Variants in EXOC1 observed in about 807,000 individuals in gnomAD.
EXOC1 encodes the protein SEC3-like 1.
In EXOC1, 67 loss-of-function variants were observed where a neutral mutation model predicts 107.7. The observed-to-expected ratio is 0.62, with a 90% CI of 0.51 to 0.76. The LOEUF (loss-of-function observed/expected upper bound fraction) is 0.76. Among genes scored for constraint, EXOC1 ranks in the 30% least tolerant of loss-of-function variants. The pLI is 0.00. For synonymous variants in EXOC1, 348 were observed against 353.5 expected, an observed-to-expected ratio of 0.98 and a Z score of 0.17; for missense variants, 833 against 1,055.7, an observed-to-expected ratio of 0.79 and a Z score of 2.92.
At chr4:55,871,301 G>A (rs1227247092) in intron 7 of EXOC1, 68 bp downstream of exon 7, 5 of 1,536,838 alleles carry the variant, frequency 3.3e-6, no homozygotes, top group Non-Finnish European at 3.5e-6. Context: ...TTGTTATAAA[G>A]GTTTTGACAA....
At chr4:55,860,335 T>C in intron 2 of EXOC1, 76 bp from the exon 3 acceptor site, 1 of 1,576,776 alleles carries the variant, frequency 6.3e-7, no homozygotes, top group Non-Finnish European at 8.7e-7. Flanking sequence ...ACCTGAAAGC[T>C]ATACTTGCAA....
rs529882430 is a variant in EXOC1, at chr4:55,903,416, A to G, written c.2532+878A>G. 2.8e-4 allele frequency among the ~76,000 whole-genome samples: 42 copies of G among 152,318 alleles called. No homozygotes were observed. The South Asian group carries it at 8.7e-3, about 32-fold the overall frequency. On this transcript the variant is annotated intron_variant, in intron 18 of 18. Coordinates refer to ENST00000381295, the MANE Select transcript of EXOC1 (RefSeq NM_001024924.2). ...AACCTCTGAAAGTCAGATGTACTTG[A>G]ACAGGCAAAGTGGGGATGGAGGGAG... is the stretch of plus-strand genomic sequence containing the variant.
chr4:55,902,622 G>T, intron 18 of EXOC1, 84 bp downstream of exon 18: 6 of 1,117,336 alleles, frequency 5.4e-6, no homozygotes, highest in African/African-American at 1.6e-5. Flanking sequence ...AAATGCTACA[G>T]ATCTAGAGCA....
rs773459467 is a variant in EXOC1, at chr4:55,896,911, G to A, written c.2137+11G>A. On this transcript the variant is annotated intron_variant, in intron 16 of 18. Coordinates refer to ENST00000381295, the MANE Select transcript of EXOC1 (RefSeq NM_001024924.2). ...GAGTATTTGTTAATGGTAAGCTTTT[G>A]TTATGTTCTAAAGAATTGTTATAGC... The A allele has an allele frequency of 1.3e-6, 2 of 1,574,182 alleles. No homozygotes were observed. The highest frequency in any genetic ancestry group is 4.7e-5 in the East Asian group (2 of 42,830).
intron 15 of EXOC1, among the ~76,000 whole-genome samples, 162 bp downstream of exon 15, chr4:55,893,942 G>T (rs1724880943): frequency 1.3e-5 from 2 of 152,176 alleles, no homozygotes; most frequent in South Asian, 4.1e-4. Context: ...AGAGTTAGTT[G>T]GGTGGCACTA....
Position 55,870,917 on chromosome 4 carries a change from C to T in EXOC1, c.831+12C>T, listed in dbSNP as rs372578105. ...TAGAGTTCCTTGTGGTAAGTATGATCATAAATTACCAACAAAAAAAAACTA... is the reference window on the plus strand; with the variant it reads ...TAGAGTTCCTTGTGGTAAGTATGATTATAAATTACCAACAAAAAAAAACTA... On this transcript the variant is annotated intron_variant, in intron 6 of 18. Transcript: ENST00000381295. 1.1e-5 allele frequency: 17 copies of T among 1,581,876 alleles called. No individual in the cohort carries two copies. The highest frequency in any genetic ancestry group is 1.0e-5 in the Non-Finnish European group (12 of 1,163,230).
intron 10 of EXOC1, chr4:55,885,673 C>A (rs1723809097): frequency 6.6e-6 from 1 of 152,062 alleles, no homozygotes; most frequent in African/African-American, 2.4e-5. Context: ...AAGGATGACA[C>A]ACTAATTTGT....
intron 1 of EXOC1, among the ~76,000 whole-genome samples, 173 bp downstream of exon 1, chr4:55,854,126 G>T (rs1487125688): frequency 6.6e-6 from 1 of 152,148 alleles, no homozygotes; most frequent in African/African-American, 2.4e-5. Flanking sequence ...TCCAGGAGAG[G>T]AGAGCGTGAC....
At position 55,904,384 on chromosome 4, in the gene EXOC1, T is replaced by G. The variant is rs1726384669; in HGVS notation, c.2574T>G (p.Tyr858Ter). The G allele has an allele frequency of 6.2e-7, 1 of 1,612,256 alleles. No homozygotes were observed. The highest frequency in any genetic ancestry group is 8.5e-7 in the Non-Finnish European group (1 of 1,179,620). The stretch of plus-strand genomic sequence containing the variant: ...TGCAAGATGAATTTATACGCCAGTA[T>G]AAGCACTTTGAAGGTTTGATAGCTC... Reference protein sequence around the residue: ...HSMQDEFIRQYKHFEGLIARC... With the variant: ...HSMQDEFIRQ Residue 858 changes from tyrosine (Y) to a stop codon, truncating the protein, a stop_gained, in exon 19 of 19, where the codon TAT becomes TAG. Transcript: ENST00000381295. LOFTEE classifies it high-confidence loss of function.
At chr4:55,861,478 A>G (rs1721470341) in intron 3 of EXOC1, among the ~76,000 whole-genome samples, 1 of 152,242 alleles carries the variant, frequency 6.6e-6, no homozygotes, top group African/African-American at 2.4e-5. Context: ...TTACTTTGGT[A>G]CAAACCTCCA....
chr4:55,877,499 T>A, intron 8 of EXOC1: 1 of 984,880 alleles, frequency 1.0e-6, no homozygotes. Flanking sequence ...TTACAAACTC[T>A]AATGGGAATA....
rs527532786 is a variant in EXOC1 at position 55,882,647 on chromosome 4, T to C, written c.1225-1176T>C. On this transcript the variant is annotated intron_variant, in intron 9 of 18. Coordinates refer to ENST00000381295, the MANE Select transcript of EXOC1 (RefSeq NM_001024924.2). ...AAAAGGACAGGATCTATATATATTATGTTTGGTCCAAATGCTATTTTATAA... is the reference window on the plus strand; with the variant it reads ...AAAAGGACAGGATCTATATATATTACGTTTGGTCCAAATGCTATTTTATAA... The C allele has an allele frequency of 3.3e-5, 5 of 152,338 alleles. No individual in the cohort carries two copies. The South Asian group carries it at 1.0e-3, about 32-fold the overall frequency. 9.4% of individuals were successfully genotyped at this position (152,338 alleles called of 1,614,324 possible).
At chr4:55,854,248 T>C (rs1198934744) in intron 1 of EXOC1, among the ~76,000 whole-genome samples, 1 of 145,494 alleles carries the variant, frequency 6.9e-6, no homozygotes, top group Non-Finnish European at 1.5e-5. Context: ...CAGTTATATC[T>C]TCTAGATGGC....
At position 55,890,253 on chromosome 4, in the gene EXOC1, G is replaced by C. The variant is rs1724362293; in HGVS notation, c.1406G>C (p.Gly469Ala). 5 of 1,613,920 alleles carry C rather than the reference G, an allele frequency of 3.1e-6. No homozygotes were observed. Among genetic ancestry groups the C allele is most frequent in the Non-Finnish European group, 4.2e-6 (5 of 1,179,906 alleles). The change falls in exon 12 of 19, where the codon GGA becomes GCA. Residue 469 changes from glycine to alanine, a missense_variant. Physicochemically the swap from Gly to Ala is moderately conservative, Grantham distance 60. This residue lies in a region of EXOC1 where 617 missense variants were observed against 701.3 expected (regional missense o/e 0.88). Coordinates refer to ENST00000381295, the MANE Select transcript of EXOC1 (RefSeq NM_001024924.2). ...CATGGAAGTTCGGGGAAATTAACTG[G>C]ATCTACTTCTAGTCTAAATAAGCTC... ...SLHGSSGKLT[G>A]STSSLNKLSV...
intron 8 of EXOC1, among the ~76,000 whole-genome samples, chr4:55,874,291 A>T (rs1722698641): frequency 6.6e-6 from 1 of 152,182 alleles, no homozygotes; most frequent in Non-Finnish European, 1.5e-5. Flanking sequence ...TAAAATTCAC[A>T]AATTAGTAAA....
intron 14 of EXOC1, 134 bp from the exon 15 acceptor site, chr4:55,893,418 C>A: frequency 2.4e-6 from 2 of 823,826 alleles, no homozygotes; most frequent in Non-Finnish European, 3.7e-6. Flanking sequence ...CCACGCCTGG[C>A]TATTTAGACA....
chr4:55,864,153 C>T, intron 3 of EXOC1, 74 bp from the exon 4 acceptor site: 2 of 967,048 alleles, frequency 2.1e-6, no homozygotes, highest in Non-Finnish European at 3.0e-6. Flanking sequence ...AGCGTAAATG[C>T]CTATGCAGAT....
intron 1 of EXOC1, among the ~76,000 whole-genome samples, chr4:55,857,168 CTTTTTT>C (rs71192052): frequency 3.0e-5 from 2 of 65,740 alleles, no homozygotes; most frequent in African/African-American, 6.4e-5. Flanking sequence ...TCCTTTTTTT[CTTTTTT>C]TTTTTTTTTT....
At chr4:55,899,961 C>A in intron 17 of EXOC1, 77 bp downstream of exon 17, 1 of 1,267,126 alleles carries the variant, frequency 7.9e-7, no homozygotes, top group Non-Finnish European at 1.1e-6. Flanking sequence ...AACCTGCAGA[C>A]ATTTATCTTA....
Sources: gnomAD v4.1 joint callset for allele counts (sites outside exome capture counted in the v4.1 genomes callset) on GRCh38, gnomAD v4.1.1 for gene constraint, gnomAD v4.1.1 regional missense constraint, MANE v1.5 for transcripts, NCBI Gene and HGNC (gene_info 2026-07-23, HGNC 2026-07-21) for gene names.